Variants in LTBP1 observed in about 807,000 individuals in gnomAD.
LTBP1 encodes latent-transforming growth factor beta-binding protein 1.
LTBP1 carries 129 observed loss-of-function variants against 207.6 expected under a neutral mutation model. That is an observed-to-expected ratio of 0.62 (90% CI 0.54 to 0.72). The LOEUF is 0.72. LTBP1 is among the 30% of genes least tolerant of loss of function. LTBP1 has a pLI of 0.00. For synonymous variants in LTBP1, 963 were observed against 833.7 expected, an observed-to-expected ratio of 1.16 and a Z score of -2.67; for missense variants, 2,281 against 2,217.2, an observed-to-expected ratio of 1.03 and a Z score of -0.58.
At chr2:33,378,795 A>C (rs916672893) in intron 31 of LTBP1, among the ~76,000 whole-genome samples, 1 of 152,202 alleles carries the variant, frequency 6.6e-6, no homozygotes, top group African/African-American at 2.4e-5. Context: ...TTAAACAGTG[A>C]CCTCATGGCC....
At chr2:33,356,466 T>C (rs1400134170) in intron 26 of LTBP1, among the ~76,000 whole-genome samples, 3 of 152,182 alleles carry the variant, frequency 2.0e-5, no homozygotes, top group African/African-American at 7.2e-5. Context: ...GATCACGAGG[T>C]CAGGAGATCA....
At chr2:33,180,886 A>G (rs1230262545) in intron 5 of LTBP1, among the ~76,000 whole-genome samples, 1 of 152,216 alleles carries the variant, frequency 6.6e-6, no homozygotes, top group Non-Finnish European at 1.5e-5. Flanking sequence ...AAATATTGCT[A>G]CCCATCACCA....
At chr2:33,284,798 T>C (rs925704683) in intron 19 of LTBP1, among the ~76,000 whole-genome samples, 1 of 152,228 alleles carries the variant, frequency 6.6e-6, no homozygotes, top group African/African-American at 2.4e-5. Flanking sequence ...ATGACCTCTC[T>C]GAAGCTTAGT....
intron 31 of LTBP1, among the ~76,000 whole-genome samples, chr2:33,382,504 G>A (rs2095227900): frequency 6.6e-6 from 1 of 152,122 alleles, no homozygotes; most frequent in Non-Finnish European, 1.5e-5. Context: ...GTGTTTTCAA[G>A]CTGAAGCCTT....
intron 5 of LTBP1, among the ~76,000 whole-genome samples, chr2:33,164,352 GAAA>G (rs56916166): frequency 1.6e-3 from 44 of 28,228 alleles, no homozygotes; most frequent in African/African-American, 5.0e-3. Context: ...TTCCTCTCAG[GAAA>G]AAAAAAAAAA....
intron 3 of LTBP1, among the ~76,000 whole-genome samples, chr2:33,103,285 A>G (rs1214240586): frequency 1.4e-5 from 2 of 145,924 alleles, no homozygotes; most frequent in South Asian, 4.4e-4. Context: ...TGCTGTATGC[A>G]CTGTATGCAC....
intron 3 of LTBP1, among the ~76,000 whole-genome samples, chr2:33,030,104 A>G (rs891186886): frequency 1.3e-5 from 2 of 152,178 alleles, no homozygotes; most frequent in Admixed American, 6.5e-5. Context: ...TGTTTTGCCA[A>G]GTGCTGGTAT....
chr2:33,142,956 A>G (rs115904580), intron 5 of LTBP1, among the ~76,000 whole-genome samples: 431 of 152,294 alleles, frequency 2.8e-3, no homozygotes, highest in African/African-American at 9.8e-3. Context: ...GATCTTTGGA[A>G]AAGTCTAAAC....
intron 31 of LTBP1, among the ~76,000 whole-genome samples, chr2:33,376,352 C>T (rs1432572211): frequency 6.6e-6 from 1 of 152,210 alleles, no homozygotes; most frequent in East Asian, 1.9e-4. Flanking sequence ...AGCCCTCACC[C>T]TAAGACGTGT....
chr2:33,118,886 G>A lies in LTBP1; in HGVS notation c.1033+8135G>A, dbSNP rs139542485. On this transcript the variant is annotated intron_variant, in intron 4 of 33. Coordinates refer to ENST00000404816, the MANE Select transcript of LTBP1 (RefSeq NM_206943.4). ...TTTGCCCCCTGATAGGCCACACGAA[G>A]TTTAAGATAGCTGTGAAACAGTAGA... Among the ~76,000 whole-genome samples, 1,108 of 152,246 alleles carry A rather than the reference G, an allele frequency of 7.3e-3. 4 individuals carry two copies. Among genetic ancestry groups the A allele is most frequent in the Middle Eastern group, 0.014 (4 of 294 alleles).
chr2:33,055,401 T>TC (rs971347601), intron 3 of LTBP1, among the ~76,000 whole-genome samples: 7 of 152,218 alleles, frequency 4.6e-5, no homozygotes, highest in African/African-American at 1.7e-4. Flanking sequence ...GGGCTTTTTT[T>TC]CTAATTCTCC....
intron 19 of LTBP1, 106 bp from the exon 20 acceptor site, chr2:33,293,054 C>G: frequency 8.7e-7 from 1 of 1,144,436 alleles, no homozygotes; most frequent in South Asian, 1.7e-5. Flanking sequence ...AAGAATCTGC[C>G]TGGTCTTCTG....
chr2:33,084,446 C>T (rs1440320289), intron 3 of LTBP1, among the ~76,000 whole-genome samples: 2 of 152,102 alleles, frequency 1.3e-5, no homozygotes, highest in Non-Finnish European at 2.9e-5. Flanking sequence ...CTCATTGCGT[C>T]TGTAGCAGTT....
intron 3 of LTBP1, among the ~76,000 whole-genome samples, chr2:33,035,943 C>T (rs553023193): frequency 2.7e-4 from 41 of 152,266 alleles, no homozygotes; most frequent in African/African-American, 9.6e-4. Context: ...ATTCCTTTAT[C>T]CTTTTTTCCC....
rs190134823 is a variant in LTBP1, at chr2:33,324,113, T to G, written c.3730+8844T>G. Among the ~76,000 whole-genome samples, 11 of 152,294 alleles carry G rather than the reference T, an allele frequency of 7.2e-5. No homozygotes were observed. In the East Asian group the frequency reaches 2.1e-3, roughly 29 times the overall value. On this transcript the variant is annotated intron_variant, in intron 24 of 33. Transcript: ENST00000404816. ...TGAGCTATTGTTACTATTTTAGCAT[T>G]TCTTATACTGGTACCTTAGTTACAG...
intron 9 of LTBP1, among the ~76,000 whole-genome samples, chr2:33,241,487 T>C (rs2149740978): frequency 6.6e-6 from 1 of 152,338 alleles, no homozygotes; most frequent in South Asian, 2.1e-4. Context: ...CAGGTATTTA[T>C]GAGTCTGGGG....
intron 4 of LTBP1, among the ~76,000 whole-genome samples, chr2:33,120,383 T>C (rs925838828): frequency 5.3e-5 from 8 of 152,128 alleles, no homozygotes; most frequent in Non-Finnish European, 1.2e-4. Flanking sequence ...GTTCCCTTCT[T>C]TGTGTTCATA....
At chr2:33,249,333 A>T (rs1401626356) in intron 10 of LTBP1, among the ~76,000 whole-genome samples, 1 of 128,672 alleles carries the variant, frequency 7.8e-6, no homozygotes, top group African/African-American at 3.0e-5. Flanking sequence ...TCACACACAC[A>T]CACACACACA....
intron 24 of LTBP1, among the ~76,000 whole-genome samples, chr2:33,337,822 C>T (rs1301026221): frequency 6.6e-6 from 1 of 151,936 alleles, no homozygotes; most frequent in Non-Finnish European, 1.5e-5. Context: ...TCAACTTTAG[C>T]AAAAAAGGAT....
Sources: allele counts gnomAD v4.1 joint callset (sites outside exome capture counted in the v4.1 genomes callset), GRCh38; gene constraint gnomAD v4.1.1; transcripts MANE v1.5; gene names NCBI Gene and HGNC (gene_info 2026-07-23, HGNC 2026-07-21).